The following MTHFD1L variants were observed in gnomAD, a reference collection of about 807,000 sequenced individuals.
MTHFD1L encodes the protein methylenetetrahydrofolate dehydrogenase (NADP+ dependent) 1 like.
A neutral mutation model predicts 119.5 loss-of-function variants in MTHFD1L; 81 were observed. The observed-to-expected ratio is 0.68, with a 90% CI of 0.57 to 0.82. The LOEUF (loss-of-function observed/expected upper bound fraction) is 0.82. Among genes scored for constraint, MTHFD1L ranks in the 40% least tolerant of loss-of-function variants. The pLI is 0.00. For missense variants in MTHFD1L, 1,125 were observed against 1,253.4 expected, an observed-to-expected ratio of 0.90 and a Z score of 1.55; for synonymous variants, 430 against 475.2, an observed-to-expected ratio of 0.90 and a Z score of 1.24.
intron 20 of MTHFD1L, among the ~76,000 whole-genome samples, chr6:151,003,720 T>C (rs1780962574): frequency 6.6e-6 from 1 of 152,144 alleles, no homozygotes; most frequent in Non-Finnish European, 1.5e-5. Context: ...GGTTCAGTAA[T>C]TATTGAATGA....
At chr6:151,046,668 CTCTT>C (rs2128563476) in intron 26 of MTHFD1L, among the ~76,000 whole-genome samples, 1 of 152,008 alleles carries the variant, frequency 6.6e-6, no homozygotes, top group Admixed American at 6.6e-5. Flanking sequence ...CATGGAATTG[CTCTT>C]TCTTCTATGT....
intron 27 of MTHFD1L, among the ~76,000 whole-genome samples, chr6:151,096,429 A>G (rs1283623734): frequency 6.6e-6 from 1 of 152,146 alleles, no homozygotes; most frequent in East Asian, 1.9e-4. Context: ...GTGTCCTAAG[A>G]TAAAACCACT....
At position 150,908,462 on chromosome 6, in the gene MTHFD1L, T is replaced by C. The variant is rs181210860; in HGVS notation, c.892+2701T>C. 6.9e-4 allele frequency among the ~76,000 whole-genome samples: 104 copies of C among 151,436 alleles called. No individual in the cohort carries two copies. In the East Asian group the frequency reaches 0.018, roughly 27 times the overall value. On this transcript the variant is annotated intron_variant, in intron 8 of 27. Transcript: ENST00000367321. ...AACATGGTGAAACTCTTGTCTCTAT[T>C]AAAAATACAAAAAAATTAGCTGGGC...
At chr6:150,945,443 C>G in intron 14 of MTHFD1L, 24 bp from the exon 15 acceptor site, 2 of 1,595,688 alleles carry the variant, frequency 1.3e-6, no homozygotes, top group Non-Finnish European at 1.7e-6. Flanking sequence ...TTTGTGTGGT[C>G]TCATTTTTGT....
At chr6:150,984,571 G>GAAAAAAAAAAA (rs77899794) in intron 20 of MTHFD1L, among the ~76,000 whole-genome samples, 1 of 109,298 alleles carries the variant, frequency 9.1e-6, no homozygotes. Flanking sequence ...AAAAACAAGG[G>GAAAAAAAAAAA]AAAAAAAAAA....
chr6:151,082,598 T>G (rs1436866869), intron 26 of MTHFD1L, among the ~76,000 whole-genome samples: 1 of 152,124 alleles, frequency 6.6e-6, no homozygotes, highest in Non-Finnish European at 1.5e-5. Context: ...TGGTTTAAGC[T>G]ATCTTTTCCT....
intron 20 of MTHFD1L, among the ~76,000 whole-genome samples, chr6:150,986,532 A>G (rs932857653): frequency 1.3e-5 from 2 of 152,180 alleles, no homozygotes; most frequent in African/African-American, 4.8e-5. Context: ...CGTGGGTCCT[A>G]GATCCCTTAC....
chr6:150,960,442 AGGGAGTG>A, intron 18 of MTHFD1L, 27 bp downstream of exon 18: 2 of 1,586,670 alleles, frequency 1.3e-6, no homozygotes, highest in Non-Finnish European at 8.6e-7. Flanking sequence ...CGGAAGCTTC[AGGGAGTG>A]GACGGTCCTC....
intron 26 of MTHFD1L, among the ~76,000 whole-genome samples, chr6:151,076,695 A>G (rs1321274728): frequency 1.3e-5 from 2 of 151,558 alleles, no homozygotes; most frequent in African/African-American, 2.4e-5. Flanking sequence ...GTTGGCAAGG[A>G]TGTGGAACAA....
chr6:150,868,960 C>G (rs1026160685), intron 1 of MTHFD1L, among the ~76,000 whole-genome samples: 2 of 152,098 alleles, frequency 1.3e-5, no homozygotes, highest in African/African-American at 4.8e-5. Flanking sequence ...ACTCAGAAGG[C>G]TGAGGCAGGA....
At chr6:150,916,848 G>T (rs369981194) in intron 8 of MTHFD1L, among the ~76,000 whole-genome samples, 2 of 131,798 alleles carry the variant, frequency 1.5e-5, no homozygotes, top group Admixed American at 1.8e-4. Flanking sequence ...CTGCAACCTC[G>T]GCCTCCCGGT....
chr6:150,993,705 G>T (rs524732), intron 20 of MTHFD1L, among the ~76,000 whole-genome samples: 16 of 152,024 alleles, frequency 1.1e-4, no homozygotes, highest in East Asian at 3.9e-4. Context: ...CGTAAGTACC[G>T]ATTTCTGCTG....
intron 7 of MTHFD1L, among the ~76,000 whole-genome samples, chr6:150,891,232 C>T (rs1783215986): frequency 6.6e-6 from 1 of 152,068 alleles, no homozygotes; most frequent in South Asian, 2.1e-4. Context: ...GTGATCCGCC[C>T]ACCTCGACCT....
chr6:151,016,524 T>C (rs1363160184), intron 24 of MTHFD1L, among the ~76,000 whole-genome samples: 1 of 149,636 alleles, frequency 6.7e-6, no homozygotes, highest in African/African-American at 2.5e-5. Context: ...GGTTTCACCA[T>C]CTTGGGCAGG....
chr6:151,070,033 T>C (rs1255053610), intron 26 of MTHFD1L, among the ~76,000 whole-genome samples: 1 of 152,138 alleles, frequency 6.6e-6, no homozygotes, highest in Non-Finnish European at 1.5e-5. Flanking sequence ...ACATACCACC[T>C]CTGGCCCAAG....
intron 13 of MTHFD1L, among the ~76,000 whole-genome samples, chr6:150,942,033 T>C (rs12201648): frequency 0.44 from 66,809 of 151,716 alleles, 15,962 homozygotes; most frequent in African/African-American, 0.63. Flanking sequence ...CTGAGGCGAG[T>C]GGATCACCTG....
chr6:150,948,977 C>CT, intron 15 of MTHFD1L, 54 bp from the exon 16 acceptor site: 1 of 1,453,732 alleles, frequency 6.9e-7, no homozygotes, highest in South Asian at 1.2e-5. Context: ...TTTGGTGACC[C>CT]TTTGCTTTCT....
At chr6:150,937,105 G>A (rs1334800305) in intron 12 of MTHFD1L, among the ~76,000 whole-genome samples, 165 bp downstream of exon 12, 2 of 152,148 alleles carry the variant, frequency 1.3e-5, no homozygotes, top group Non-Finnish European at 2.9e-5. Context: ...GGTTCCCCCG[G>A]GCATGAAAAA....
chr6:150,921,976 G>A (rs1050572025), intron 9 of MTHFD1L, among the ~76,000 whole-genome samples: 2 of 152,150 alleles, frequency 1.3e-5, no homozygotes, highest in Non-Finnish European at 2.9e-5. Context: ...TCTTCAGTGC[G>A]ATATTGAATA....
Sources: allele counts gnomAD v4.1 joint callset (sites outside exome capture counted in the v4.1 genomes callset), GRCh38; gene constraint gnomAD v4.1.1; transcripts MANE v1.5; gene names NCBI Gene and HGNC (gene_info 2026-07-23, HGNC 2026-07-21).